The following GABRB2 variants were observed in gnomAD, a reference collection of about 807,000 sequenced individuals.
GABRB2 encodes gamma-aminobutyric acid type A receptor subunit beta2, also known as gamma-aminobutyric acid receptor subunit beta-2.
GABRB2 carries 16 observed loss-of-function variants against 54.7 expected under a neutral mutation model. The ratio of observed to expected loss-of-function variants is 0.29; its 90% CI spans 0.20 to 0.44. GABRB2 has a LOEUF of 0.44. Ranked by LOEUF, GABRB2 falls within the 20% of genes least tolerant of loss-of-function variation. The pLI is 1.00. For synonymous variants in GABRB2, 244 were observed against 233.8 expected, an observed-to-expected ratio of 1.04 and a Z score of -0.40; for missense variants, 355 against 644.0, an observed-to-expected ratio of 0.55 and a Z score of 4.86.
chr5:161,339,211 G>T (rs999122774), intron 5 of GABRB2, among the ~76,000 whole-genome samples: 3 of 152,090 alleles, frequency 2.0e-5, no homozygotes, highest in Non-Finnish European at 4.4e-5. Flanking sequence ...CATGAAAAAG[G>T]TTATTTATGA....
chr5:161,350,664 G>C (rs1754447145), intron 5 of GABRB2, among the ~76,000 whole-genome samples: 1 of 152,088 alleles, frequency 6.6e-6, no homozygotes. Context: ...TGAGTCAGTA[G>C]GCTGGGAGAA....
rs940729287 is a variant in GABRB2 at position 161,491,354 on chromosome 5, G to A, written c.238-31510C>T. 4.0e-5 allele frequency among the ~76,000 whole-genome samples: 6 copies of A among 151,672 alleles called. No individual in the cohort carries two copies. The East Asian group carries it at 5.8e-4, about 15-fold the overall frequency. On this transcript the variant is annotated intron_variant, in intron 3 of 9. Coordinates refer to ENST00000393959, the MANE Select transcript of GABRB2 (RefSeq NM_001371727.1). Reference sequence around the variant, plus strand: ...TTAATGGCACTTACCATTAGTTAGCGTTCCTTAAGAAAGAAATGTATTTAT... The same window carrying A: ...TTAATGGCACTTACCATTAGTTAGCATTCCTTAAGAAAGAAATGTATTTAT...
intron 9 of GABRB2, among the ~76,000 whole-genome samples, chr5:161,297,844 T>A (rs1313844734): frequency 6.6e-6 from 1 of 152,202 alleles, no homozygotes; most frequent in African/African-American, 2.4e-5. Flanking sequence ...TCTAGGTCTT[T>A]TAGGAATCGC....
At chr5:161,494,510 A>C (rs546308847) in intron 3 of GABRB2, among the ~76,000 whole-genome samples, 1 of 149,730 alleles carries the variant, frequency 6.7e-6, no homozygotes, top group African/African-American at 2.4e-5. Flanking sequence ...TTTAAAAGGC[A>C]GTGGGAATAT....
intron 5 of GABRB2, among the ~76,000 whole-genome samples, chr5:161,381,748 T>C (rs1368818874): frequency 1.3e-5 from 2 of 152,136 alleles, no homozygotes; most frequent in African/African-American, 4.8e-5. Context: ...AGCATGAGCT[T>C]TGGAGTGGGC....
chr5:161,453,649 G>C (rs2113244444), intron 4 of GABRB2, among the ~76,000 whole-genome samples: 1 of 152,188 alleles, frequency 6.6e-6, no homozygotes, highest in African/African-American at 2.4e-5. Context: ...TTTTATTATA[G>C]TGCCCAAATC....
chr5:161,538,826 GA>G (rs11292413), intron 3 of GABRB2, among the ~76,000 whole-genome samples: 11,211 of 141,050 alleles, frequency 0.079, 1,252 homozygotes, highest in African/African-American at 0.26. Flanking sequence ...TGTCTCAAAA[GA>G]AAAAAAAAAA....
At chr5:161,438,717 A>G (rs956818368) in intron 4 of GABRB2, among the ~76,000 whole-genome samples, 7 of 152,124 alleles carry the variant, frequency 4.6e-5, no homozygotes, top group Non-Finnish European at 7.3e-5. Flanking sequence ...TAATGAAAAA[A>G]GTGTCAAGCA....
intron 3 of GABRB2, among the ~76,000 whole-genome samples, chr5:161,506,142 T>C (rs1349344635): frequency 2.6e-5 from 4 of 151,968 alleles, no homozygotes; most frequent in Admixed American, 2.6e-4. Context: ...CAATTATACA[T>C]CAGGAAAATA....
In GABRB2 at chr5:161,326,367, C is replaced by T; in HGVS notation, c.1191+1G>A. On this transcript the variant is annotated splice_donor_variant, in intron 9 of 9. Coordinates refer to ENST00000393959, the MANE Select transcript of GABRB2 (RefSeq NM_001371727.1). LOFTEE classifies it high-confidence loss of function. ...AATGGATTAAAAACTGGCTATCTAA[C>T]CGTATACAGAGAGAAATCGTAATTG... The T allele has an allele frequency of 6.2e-7, 1 of 1,612,902 alleles. No homozygotes were observed. Among genetic ancestry groups the T allele is most frequent in the Non-Finnish European group, 8.5e-7 (1 of 1,179,374 alleles).
At chr5:161,370,611 T>G (rs1484839350) in intron 5 of GABRB2, among the ~76,000 whole-genome samples, 2 of 152,158 alleles carry the variant, frequency 1.3e-5, no homozygotes, top group Non-Finnish European at 1.5e-5. Flanking sequence ...AGCATTCAAT[T>G]AGGACTTTTG....
intron 6 of GABRB2, among the ~76,000 whole-genome samples, chr5:161,335,587 C>T (rs1208693469): frequency 6.6e-6 from 1 of 152,104 alleles, no homozygotes; most frequent in Non-Finnish European, 1.5e-5. Context: ...TAACAGAGCA[C>T]AGTCTTAGAC....
At position 161,435,008 on chromosome 5, in the gene GABRB2, G is replaced by A. The variant is rs146078489; in HGVS notation, c.459-23951C>T. On this transcript the variant is annotated intron_variant, in intron 4 of 9. Coordinates refer to ENST00000393959, the MANE Select transcript of GABRB2 (RefSeq NM_001371727.1). ...GTTACTATCATTATCACAATGCGGTGTTATATAGAGATGTCTGTGTTTCCA... is the reference window on the plus strand; with the variant it reads ...GTTACTATCATTATCACAATGCGGTATTATATAGAGATGTCTGTGTTTCCA... Among the ~76,000 whole-genome samples, 469 of 152,240 alleles carry A rather than the reference G, an allele frequency of 3.1e-3. 1 individual carries two copies. Among genetic ancestry groups the A allele is most frequent in the African/African-American group, 0.01 (421 of 41,538 alleles).
At chr5:161,543,859 C>T (rs1316004793) in intron 3 of GABRB2, among the ~76,000 whole-genome samples, 1 of 152,140 alleles carries the variant, frequency 6.6e-6, no homozygotes, top group Admixed American at 6.5e-5. Flanking sequence ...TCTGAAACAT[C>T]CAATATTATC....
intron 3 of GABRB2, among the ~76,000 whole-genome samples, chr5:161,496,259 G>A (rs1320376307): frequency 6.6e-6 from 1 of 152,094 alleles, no homozygotes; most frequent in Non-Finnish European, 1.5e-5. Context: ...CTCCTTAGAG[G>A]ATTGTTAGGA....
intron 5 of GABRB2, among the ~76,000 whole-genome samples, chr5:161,389,376 C>T (rs1285848757): frequency 6.6e-6 from 1 of 151,990 alleles, no homozygotes; most frequent in African/African-American, 2.4e-5. Context: ...CTCATGTTAA[C>T]AGTGAAAAAC....
chr5:161,531,511 AT>A (rs1369399347), intron 3 of GABRB2, among the ~76,000 whole-genome samples: 2 of 151,796 alleles, frequency 1.3e-5, no homozygotes, highest in African/African-American at 2.4e-5. Flanking sequence ...ACAAAACATT[AT>A]TTTTTTTCTA....
chr5:161,477,413 T>TA (rs1349566225), intron 3 of GABRB2, among the ~76,000 whole-genome samples: 1 of 151,026 alleles, frequency 6.6e-6, no homozygotes, highest in Non-Finnish European at 1.5e-5. Flanking sequence ...CCTAAAAACA[T>TA]AAAAATAGAA....
chr5:161,390,035 G>A (rs1436902601), intron 5 of GABRB2, among the ~76,000 whole-genome samples: 1 of 151,970 alleles, frequency 6.6e-6, no homozygotes, highest in Non-Finnish European at 1.5e-5. Flanking sequence ...TGTATAATTA[G>A]GCAACATATA....
Sources: gnomAD v4.1 joint callset for allele counts (sites outside exome capture counted in the v4.1 genomes callset) on GRCh38, gnomAD v4.1.1 for gene constraint, MANE v1.5 for transcripts, NCBI Gene and HGNC (gene_info 2026-07-23, HGNC 2026-07-21) for gene names.